Variants in SBF1 observed in about 807,000 individuals in gnomAD.
The protein encoded by SBF1 is myotubularin-related protein 5.
In SBF1, 65 loss-of-function variants were observed where a neutral mutation model predicts 215.8. The ratio of observed to expected loss-of-function variants is 0.30; its 90% CI spans 0.25 to 0.37. The LOEUF is 0.37. Among genes scored for constraint, SBF1 ranks in the 10% least tolerant of loss-of-function variants. SBF1 has a pLI of 1.00. For missense variants in SBF1, 2,634 were observed against 2,667.8 expected, an observed-to-expected ratio of 0.99 and a Z score of 0.28; for synonymous variants, 1,410 against 1,122.8, an observed-to-expected ratio of 1.26 and a Z score of -5.11.
chr22:50,474,768 C>A lies in SBF1; in HGVS notation c.55+18G>T, dbSNP rs929687858. 5.5e-6 allele frequency: 8 copies of A among 1,464,196 alleles called. No homozygotes were observed. The highest frequency in any genetic ancestry group is 3.0e-5 in the African/African-American group (2 of 67,652). The allele number at this position is 1,464,196 out of a possible 1,614,324, so 90.7% of individuals were successfully genotyped here. A position where few individuals can be genotyped will look rare whatever the true frequency, so the allele number is the denominator to read the frequency against. ...GACCCTCGGCCCCCGGCCCTCAGCG[C>A]TTGGCCTCGGCACTCACCGCGCGGG... On this transcript the variant is annotated intron_variant, in intron 1 of 40. Coordinates refer to ENST00000380817, the MANE Select transcript of SBF1 (RefSeq NM_002972.4).
chr22:50,454,731 G>A lies in SBF1; in HGVS notation c.4824C>T (p.Pro1608=), dbSNP rs983687560. 1.9e-6 allele frequency: 3 copies of A among 1,573,862 alleles called. No individual in the cohort carries two copies. The highest frequency in any genetic ancestry group is 1.4e-5 in the African/African-American group (1 of 73,098). ...YAPEDAEVLR[P]YSNVSNLKVW... ...CCTTCAGGTTGGACACGTTGCTGTAGGGCCGCAGGACCTGAGGGTGGGCCT... is the reference window on the plus strand; with the variant it reads ...CCTTCAGGTTGGACACGTTGCTGTAAGGCCGCAGGACCTGAGGGTGGGCCT... Residue 1608 remains proline (P), a synonymous_variant, in exon 36 of 41, where the codon CCC becomes CCT. Coordinates refer to ENST00000380817, the MANE Select transcript of SBF1 (RefSeq NM_002972.4).
chr22:50,466,995 A>G (rs2067791924), intron 5 of SBF1: 2 of 558,620 alleles, frequency 3.6e-6, no homozygotes, highest in Non-Finnish European at 6.3e-6. Context: ...TCCTCAACAG[A>G]GTCCAGCTGC....
At position 50,467,398 on chromosome 22, in the gene SBF1, G is replaced by A. The variant is rs765777206; in HGVS notation, c.489C>T (p.Cys163=). The change falls in exon 5 of 41, where the codon TGC becomes TGT. Residue 163 remains cysteine (C), a synonymous_variant. Transcript: ENST00000380817. Reference sequence around the variant, plus strand: ...GCAGGTTCCCAATCACGTTCTCCAGGCACACATTCAGGCCCTCCACGTGGA... The same window carrying A: ...GCAGGTTCCCAATCACGTTCTCCAGACACACATTCAGGCCCTCCACGTGGA... The part of the protein sequence containing the change: ...YAIHVEGLNV[C]LENVIGNLLT... 6.2e-7 allele frequency: 1 copy of A among 1,614,164 alleles called. No individual in the cohort carries two copies. Among genetic ancestry groups the A allele is most frequent in the Admixed American group, 1.7e-5 (1 of 60,026 alleles).
At chr22:50,470,254 G>A (rs1055470295) in intron 1 of SBF1, among the ~76,000 whole-genome samples, 1 of 152,172 alleles carries the variant, frequency 6.6e-6, no homozygotes, top group African/African-American at 2.4e-5. Context: ...GAGGAAGGAA[G>A]AGGGGTTTAT....
At chr22:50,463,841 C>T (rs984461079) in intron 15 of SBF1, among the ~76,000 whole-genome samples, 1 of 152,188 alleles carries the variant, frequency 6.6e-6, no homozygotes, top group African/African-American at 2.4e-5. Context: ...AAAGGGACAC[C>T]ATACAGCCAA....
chr22:50,466,900 C>G (rs538635959), intron 5 of SBF1, 190 bp from the exon 6 acceptor site: 109 of 578,990 alleles, frequency 1.9e-4, no homozygotes, highest in African/African-American at 1.7e-3. Flanking sequence ...GCAGAGAAAA[C>G]TCAGGACAGG....
Position 50,447,376 on chromosome 22 carries a change from A to C in SBF1, c.5529T>G (p.Pro1843=). 1 of 1,613,908 alleles carries C rather than the reference A, an allele frequency of 6.2e-7. No individual in the cohort carries two copies. Among genetic ancestry groups the C allele is most frequent in the Non-Finnish European group, 8.5e-7 (1 of 1,179,904 alleles). ...TAGGGGCACCCATAGTGGGCGTGCC[A>C]GGTGCCACAGCCTCCACCTCCGCCA... ...IDLAEVEAVA[P]GTPTMGAPKT... The change falls in exon 40 of 41, where the codon CCT becomes CCG. Residue 1843 remains proline (P), a synonymous_variant. Transcript: ENST00000380817.
chr22:50,455,906 G>C (rs920430618), intron 31 of SBF1: 3 of 554,438 alleles, frequency 5.4e-6, no homozygotes, highest in African/African-American at 1.9e-5. Context: ...ACCCACCCCC[G>C]AGAGAATGCA....
chr22:50,456,321 A>T lies in SBF1; in HGVS notation c.4161T>A (p.Ala1387=), dbSNP rs770589164. The change falls in exon 31 of 41, where the codon GCT becomes GCA. Residue 1387 remains alanine (A), a synonymous_variant. Transcript: ENST00000380817. ...ATGCTTTCAGCAGCTTCTTGAAGCT[A>T]GCCTTCACCTGCCGTGCCTCGAATA... ...IEVFEARQVK[A]SFKKLLKACV... is the part of the protein sequence containing the mutation. The T allele has an allele frequency of 8.1e-6, 13 of 1,612,930 alleles. 1 individual carries two copies. In the South Asian group the frequency reaches 1.4e-4, roughly 18 times the overall value.
chr22:50,461,979 T>C lies in SBF1; in HGVS notation c.2537A>G (p.Asp846Gly). 1 of 1,614,182 alleles carries C rather than the reference T, an allele frequency of 6.2e-7. No individual in the cohort carries two copies. The highest frequency in any genetic ancestry group is 8.5e-7 in the Non-Finnish European group (1 of 1,180,034). ...CATGACATGCAGCCCCTTGAGGTGG[T>C]CGCTGGTGACCCCACTCTCCGTGCA... ...KVCTESGVTS[D>G]HLKGLHVMVP... The change falls in exon 20 of 41, where the codon GAC becomes GGC. Residue 846 changes from aspartate (D) to glycine (G), a missense_variant. Transcript: ENST00000380817.
chr22:50,457,079 A>G lies in SBF1; in HGVS notation c.3859T>C (p.Ser1287Pro). Reference sequence around the variant, plus strand: ...GAGGCCGAGGCCGCCATGGGGTTGGACAGCGTGGTGACCCTGGCTCTGGGG... The same window carrying G: ...GAGGCCGAGGCCGCCATGGGGTTGGGCAGCGTGGTGACCCTGGCTCTGGGG... The part of the protein sequence containing the change: ...PSPRARVTTL[S>P]NPMAASASRR... The change falls in exon 29 of 41, where the codon TCC (serine) becomes CCC (proline). Residue 1287 changes from serine (S) to proline (P), a missense_variant. Ser to Pro is a moderately conservative substitution (Grantham distance 74, BLOSUM62 -1). Coordinates refer to ENST00000380817, the MANE Select transcript of SBF1 (RefSeq NM_002972.4). 1 of 1,489,094 alleles carries G rather than the reference A, an allele frequency of 6.7e-7. No homozygotes were observed. The highest frequency in any genetic ancestry group is 1.4e-5 in the South Asian group (1 of 72,262). 92.2% of individuals were successfully genotyped at this position (1,489,094 alleles called of 1,614,324 possible).
At chr22:50,468,339 C>A (rs1204707931) in intron 2 of SBF1, 37 bp downstream of exon 2, 1 of 1,595,080 alleles carries the variant, frequency 6.3e-7, no homozygotes, top group South Asian at 1.1e-5. Context: ...CTGCCCTCCC[C>A]ACCTGCCAGC....
Position 50,464,895 on chromosome 22 carries a change from C to G in SBF1, c.1355G>C (p.Arg452Thr). The G allele has an allele frequency of 6.2e-7, 1 of 1,613,780 alleles. No individual in the cohort carries two copies. Among genetic ancestry groups the G allele is most frequent in the Non-Finnish European group, 8.5e-7 (1 of 1,180,010 alleles). Residue 452 changes from arginine (R) to threonine (T), a missense_variant, in exon 13 of 41, where the codon AGG (arginine) becomes ACG (threonine). Coordinates refer to ENST00000380817, the MANE Select transcript of SBF1 (RefSeq NM_002972.4). ...GGGGTGGTTCTCATCCGCCCGCATC[C>G]TTGCCACCTCGTGGGCCACCAGCTA... ...FDELVAHEVARMRADENHPQR... is the reference protein window; with the variant it reads ...FDELVAHEVATMRADENHPQR...
intron 1 of SBF1, among the ~76,000 whole-genome samples, chr22:50,473,931 G>A (rs1210117112): frequency 1.3e-5 from 2 of 152,228 alleles, no homozygotes; most frequent in African/African-American, 2.4e-5. Context: ...GTGGGCTGCT[G>A]GGAGGAAGAG....
Position 50,447,502 on chromosome 22 carries a change from C to A in SBF1, c.5451+20G>T, listed in dbSNP as rs200203003. On this transcript the variant is annotated intron_variant, in intron 39 of 40. Coordinates refer to ENST00000380817, the MANE Select transcript of SBF1 (RefSeq NM_002972.4). ...GGAGCCCCCTCCCCCGTGAGTCCCC[C>A]CCACCACCTGATCACTCACCTGGTG... 22 of 1,612,088 alleles carry A rather than the reference C, an allele frequency of 1.4e-5. No homozygotes were observed. The highest frequency in any genetic ancestry group is 1.7e-5 in the Admixed American group (1 of 59,986).
rs1388407734 is a variant in SBF1 at position 50,466,054 on chromosome 22, A to T, written c.918T>A (p.Asp306Glu). Reference protein sequence around the residue: ...TQELLDVIVADLDGGTVTIPE... With the variant: ...TQELLDVIVAELDGGTVTIPE... ...GAATGGTGACCGTCCCTCCATCCAG[A>T]TCAGCAACAATCACATCGAGCTGCG... The change falls in exon 9 of 41, where the codon GAT (aspartate) becomes GAA (glutamate). Residue 306 changes from aspartate (D) to glutamate (E), a missense_variant. By Grantham distance (45) the Asp-to-Glu change is conservative. Transcript: ENST00000380817. The T allele has an allele frequency of 6.2e-7, 1 of 1,613,868 alleles. No individual in the cohort carries two copies. Among genetic ancestry groups the T allele is most frequent in the South Asian group, 1.1e-5 (1 of 91,078 alleles).
At chr22:50,468,336 C>T (rs1360458188) in intron 2 of SBF1, 40 bp downstream of exon 2, 5 of 1,586,140 alleles carry the variant, frequency 3.2e-6, no homozygotes, top group Non-Finnish European at 4.3e-6. Context: ...CACCTGCCCT[C>T]CCCACCTGCC....
At chr22:50,470,218 C>T (rs563247408) in intron 1 of SBF1, among the ~76,000 whole-genome samples, 5 of 152,212 alleles carry the variant, frequency 3.3e-5, no homozygotes, top group East Asian at 1.9e-4. Context: ...AGGGCTCACC[C>T]AGTTCTTGCC....
rs1458444295 is a variant in SBF1, at chr22:50,466,022, C to T, written c.950G>A (p.Cys317Tyr). ...CTCTGGCAAGGGTGGAATGTGCACA[C>T]ACTCAGGAATGGTGACCGTCCCTCC... ...LDGGTVTIPE[C>Y]VHIPPLPEPL... Residue 317 changes from cysteine (C) to tyrosine (Y), a missense_variant, in exon 9 of 41, where the codon TGT (cysteine) becomes TAT (tyrosine). Coordinates refer to ENST00000380817, the MANE Select transcript of SBF1 (RefSeq NM_002972.4). 6.2e-7 allele frequency: 1 copy of T among 1,613,978 alleles called. No homozygotes were observed. Among genetic ancestry groups the T allele is most frequent in the Non-Finnish European group, 8.5e-7 (1 of 1,180,034 alleles).
Sources: gnomAD v4.1 joint callset for allele counts (sites outside exome capture counted in the v4.1 genomes callset) on GRCh38, gnomAD v4.1.1 for gene constraint, MANE v1.5 for transcripts, NCBI Gene and HGNC (gene_info 2026-07-23, HGNC 2026-07-21) for gene names.